Variants in PHACTR2 observed in about 807,000 individuals in gnomAD.
PHACTR2 encodes chromosome 6 open reading frame 56.
Under a neutral mutation model 76.0 loss-of-function variants are expected in PHACTR2, and 30 were observed. The ratio of observed to expected loss-of-function variants is 0.39; its 90% CI spans 0.30 to 0.54. The LOEUF is 0.54. PHACTR2 is among the 20% of genes least tolerant of loss of function. The pLI, the probability that PHACTR2 is intolerant of heterozygous loss-of-function variation, is 0.61. For missense variants in PHACTR2, 696 were observed against 781.1 expected (o/e 0.89, Z 1.30); for synonymous variants, 292 against 292.5 (o/e 1.00, Z 0.02).
rs912981209 is a variant in PHACTR2 at position 143,775,072 on chromosome 6, T to C, written c.1589+857T>C. Among the ~76,000 whole-genome samples, 2 of 152,074 alleles carry C rather than the reference T, an allele frequency of 1.3e-5. No homozygotes were observed. The highest frequency in any genetic ancestry group is 1.3e-4 in the Admixed American group (2 of 15,254). ...GCAGGATTTGGAGGTGGGGGGAAAA[T>C]TGCTGTCCTTGCTTGGAAGTGGTAT... On this transcript the variant is annotated intron_variant, in intron 8 of 12. Transcript: ENST00000440869. This position sits in a 1 kb window ranked among gnomAD's most constrained non-coding sequence, Gnocchi z 4.4.
At chr6:143,747,508 TC>T (rs900956417) in intron 2 of PHACTR2, among the ~76,000 whole-genome samples, 8 of 152,198 alleles carry the variant, frequency 5.3e-5, no homozygotes, top group African/African-American at 1.9e-4. Flanking sequence ...TATCACCTGC[TC>T]CCTTTGGATG....
chr6:143,557,010 G>T lies in PHACTR2; in HGVS notation c.217+19803G>T, dbSNP rs1411810861. Among the ~76,000 whole-genome samples the T allele has an allele frequency of 6.6e-6, 1 of 152,112 alleles. No homozygotes were observed. The highest frequency in any genetic ancestry group is 1.9e-4 in the East Asian group (1 of 5,198). ...GAAAGGGCCTCCCTCCCTAACCCCA[G>T]CCTCAGTTAGAGAGGGCCACAGGAG... On this transcript the variant is annotated intron_variant, in intron 1 of 11. Coordinates refer to the PHACTR2 transcript ENST00000367584. The surrounding 1 kb of genome is among the most constrained non-coding windows in gnomAD (Gnocchi z 5.5).
chr6:143,702,692 A>G (rs752425822), intron 1 of PHACTR2, among the ~76,000 whole-genome samples: 1 of 151,728 alleles, frequency 6.6e-6, no homozygotes, highest in Non-Finnish European at 1.5e-5. Flanking sequence ...GGTGGATAAC[A>G]CTGTAACCCA....
At position 143,608,187 on chromosome 6, in the gene PHACTR2, G is replaced by C. The variant is rs1186334012; in HGVS notation, c.-123G>C. On this transcript the variant is annotated 5_prime_UTR_variant, in exon 1 of 12. Transcript: ENST00000305766. The surrounding 1 kb of genome is among the most constrained non-coding windows in gnomAD (Gnocchi z 4.6). ...GCGGTGTCTCCTGCAGACAGTGCAT[G>C]AAGTATGCTCAGTGTGCCAGCAAGG... is the stretch of plus-strand genomic sequence containing the variant. 2 of 948,830 alleles carry C rather than the reference G, an allele frequency of 2.1e-6. No homozygotes were observed. Among genetic ancestry groups the C allele is most frequent in the Non-Finnish European group, 3.4e-6 (2 of 588,230 alleles). 58.8% of individuals were successfully genotyped at this position (948,830 alleles called of 1,614,324 possible).
rs540605160 is a variant in PHACTR2, at chr6:143,709,466, G to A, written c.47-2550G>A. Among the ~76,000 whole-genome samples the A allele has an allele frequency of 4.6e-5, 7 of 152,288 alleles. No individual in the cohort carries two copies. Among genetic ancestry groups the A allele is most frequent in the Non-Finnish European group, 7.4e-5 (5 of 68,010 alleles). Reference sequence around the variant, plus strand: ...CAGTTTGAGATTTTCCTGGTTCTTAGTGTGTCAAGTGATTTTCGATGGAAA... The same window carrying A: ...CAGTTTGAGATTTTCCTGGTTCTTAATGTGTCAAGTGATTTTCGATGGAAA... On this transcript the variant is annotated intron_variant, in intron 1 of 12. Coordinates refer to ENST00000440869, the MANE Select transcript of PHACTR2 (RefSeq NM_001100164.2). The surrounding 1 kb of genome is among the most constrained non-coding windows in gnomAD (Gnocchi z 4.4).
chr6:143,569,436 A>G (rs9386035), intron 1 of PHACTR2, among the ~76,000 whole-genome samples: 39,890 of 152,058 alleles, frequency 0.26, 5,242 homozygotes, highest in South Asian at 0.39. Context: ...AGCCAATGAT[A>G]TCTGGGGATT....
chr6:143,798,733 A>G (rs1169983614), intron 11 of PHACTR2, among the ~76,000 whole-genome samples: 1 of 152,202 alleles, frequency 6.6e-6, no homozygotes, highest in Non-Finnish European at 1.5e-5. Flanking sequence ...GCAGGGATGA[A>G]GCTGACTTGA....
At chr6:143,785,121 C>G (rs1266477319) in intron 10 of PHACTR2, among the ~76,000 whole-genome samples, 2 of 152,180 alleles carry the variant, frequency 1.3e-5, no homozygotes, top group Non-Finnish European at 2.9e-5. Context: ...AAAGTCTCAT[C>G]TGAGACAAGG....
chr6:143,726,472 A>G (rs1248894222), intron 2 of PHACTR2, among the ~76,000 whole-genome samples: 2 of 152,084 alleles, frequency 1.3e-5, no homozygotes, highest in Non-Finnish European at 2.9e-5. Flanking sequence ...ACTTTCTATC[A>G]CTATGAATTT....
intron 1 of PHACTR2, among the ~76,000 whole-genome samples, chr6:143,573,711 T>C (rs1201287895): frequency 6.6e-6 from 1 of 152,210 alleles, no homozygotes; most frequent in African/African-American, 2.4e-5. Flanking sequence ...GTTAATTATG[T>C]GGCTGTTTTT....
chr6:143,766,127 T>C (rs1474078358), intron 6 of PHACTR2, among the ~76,000 whole-genome samples: 1 of 152,256 alleles, frequency 6.6e-6, no homozygotes, highest in Non-Finnish European at 1.5e-5. Context: ...ACTTTACCAT[T>C]GTGCTTACCT....
intron 1 of PHACTR2, among the ~76,000 whole-genome samples, chr6:143,666,794 T>C (rs1044605908): frequency 6.6e-6 from 1 of 152,266 alleles, no homozygotes; most frequent in Non-Finnish European, 1.5e-5. Context: ...GTCAGATGGA[T>C]AGATTGCAAA....
chr6:143,630,576 G>A (rs1056969213), intron 1 of PHACTR2, among the ~76,000 whole-genome samples: 3 of 152,228 alleles, frequency 2.0e-5, no homozygotes, highest in Non-Finnish European at 4.4e-5. Context: ...ACCTTTCAAA[G>A]CCCCATTCCT....
chr6:143,622,539 G>A (rs1436189623), intron 1 of PHACTR2, among the ~76,000 whole-genome samples: 2 of 152,160 alleles, frequency 1.3e-5, no homozygotes, highest in African/African-American at 4.8e-5. Flanking sequence ...TTCTGCCATT[G>A]TTACCAAGCT....
chr6:143,765,126 T>C lies in PHACTR2; in HGVS notation c.695-135T>C. The C allele has an allele frequency of 1.4e-6, 1 of 690,312 alleles. No homozygotes were observed. Among genetic ancestry groups the C allele is most frequent in the Non-Finnish European group, 2.4e-6 (1 of 411,766 alleles). 42.8% of individuals were successfully genotyped at this position (690,312 alleles called of 1,614,324 possible). ...GACAAGACTATTATCATGATTAGCC[T>C]ATTTTCTCTTATACATTTATTCAAC... On this transcript the variant is annotated intron_variant, in intron 5 of 12. Transcript: ENST00000440869. This position sits in a 1 kb window ranked among gnomAD's most constrained non-coding sequence, Gnocchi z 4.1.
chr6:143,648,163 C>G lies in PHACTR2; in HGVS notation c.13+39841C>G, dbSNP rs75874798. Among the ~76,000 whole-genome samples, 240 of 152,218 alleles carry G rather than the reference C, an allele frequency of 1.6e-3. 3 individuals are homozygous for G. In the East Asian group the frequency reaches 0.025, roughly 16 times the overall value. On this transcript the variant is annotated intron_variant, in intron 1 of 11. Transcript: ENST00000305766. This position sits in a 1 kb window ranked among gnomAD's most constrained non-coding sequence, Gnocchi z 6.7. ...GAACAAAACTCATAGCAGCATAGTG[C>G]AAGAATACAGACAGCATCCTGTTAA...
chr6:143,794,726 A>G lies in PHACTR2; in HGVS notation c.1845+5816A>G, dbSNP rs1030117148. ...GGAGAATCACTTGAACCCAGGAGAC[A>G]GAAGTTGCAGTGAGCTAAGATTATG... On this transcript the variant is annotated intron_variant, in intron 11 of 12. Coordinates refer to ENST00000440869, the MANE Select transcript of PHACTR2 (RefSeq NM_001100164.2). The surrounding 1 kb of genome is among the most constrained non-coding windows in gnomAD (Gnocchi z 4.1). 6.6e-6 allele frequency among the ~76,000 whole-genome samples: 1 copy of G among 152,150 alleles called. No homozygotes were observed.
At position 143,761,732 on chromosome 6, in the gene PHACTR2, C is replaced by G. The variant is rs867594906; in HGVS notation, c.694+1092C>G. Among the ~76,000 whole-genome samples the G allele has an allele frequency of 1.3e-5, 2 of 151,664 alleles. No individual in the cohort carries two copies. Among genetic ancestry groups the G allele is most frequent in the Non-Finnish European group, 2.9e-5 (2 of 67,954 alleles). On this transcript the variant is annotated intron_variant, in intron 5 of 12. Coordinates refer to ENST00000440869, the MANE Select transcript of PHACTR2 (RefSeq NM_001100164.2). The surrounding 1 kb of genome is among the most constrained non-coding windows in gnomAD (Gnocchi z 5.2). Reference sequence around the variant, plus strand: ...TCGCGCCACTGCACTCCAGCCTGGGCGACAGAATGAGACTCCATCTCAAAA... The same window carrying G: ...TCGCGCCACTGCACTCCAGCCTGGGGGACAGAATGAGACTCCATCTCAAAA...
In PHACTR2 at chr6:143,548,016, C is replaced by A. The variant is rs553789126; in HGVS notation, c.217+10809C>A. ...TCTATCTTATTTTGGCCTACTATAA[C>A]AAACTGTCATAGACTGGTTGGCTTA... On this transcript the variant is annotated intron_variant, in intron 1 of 11. Coordinates refer to the PHACTR2 transcript ENST00000367584. This position sits in a 1 kb window ranked among gnomAD's most constrained non-coding sequence, Gnocchi z 4.5. 2.4e-4 allele frequency among the ~76,000 whole-genome samples: 36 copies of A among 152,266 alleles called. No homozygotes were observed. Among genetic ancestry groups the A allele is most frequent in the Middle Eastern group, 3.4e-3 (1 of 294 alleles).
Sources: allele counts gnomAD v4.1 joint callset (sites outside exome capture counted in the v4.1 genomes callset), GRCh38; gene constraint gnomAD v4.1.1; non-coding constraint Gnocchi (gnomAD v3.1); transcripts MANE v1.5; gene names NCBI Gene and HGNC (gene_info 2026-07-23, HGNC 2026-07-21).